ASPSCR1: variants seen among roughly 807,000 people sequenced by gnomAD.
ASPSCR1 encodes tether containing UBX domain for GLUT4.
In ASPSCR1, 55 loss-of-function variants were observed where a neutral mutation model predicts 68.9. That is an observed-to-expected ratio of 0.80 (90% CI 0.64 to 1.00). The LOEUF is 1.00. ASPSCR1 is among the 50% of genes least tolerant of loss of function. The pLI is 0.00. For synonymous variants in ASPSCR1, 352 were observed against 332.6 expected (o/e 1.06, Z -0.63); for missense variants, 765 against 762.2 (o/e 1.00, Z -0.04).
Position 81,995,659 on chromosome 17 carries a change from G to T in ASPSCR1, c.433-333G>T, listed in dbSNP as rs1389464546. On this transcript the variant is annotated intron_variant, in intron 5 of 15. Transcript: ENST00000306739. Reference sequence around the variant, plus strand: ...GTGACAGCACGTTCCTGCCTCTCTCGCTCCGGGCAGTGGGTCCTGGCACCA... The same window carrying T: ...GTGACAGCACGTTCCTGCCTCTCTCTCTCCGGGCAGTGGGTCCTGGCACCA... 4 of 505,030 alleles carry T rather than the reference G, an allele frequency of 7.9e-6. No homozygotes were observed. In the East Asian group the frequency reaches 1.5e-4, roughly 19 times the overall value. 31.3% of individuals were successfully genotyped at this position (505,030 alleles called of 1,614,324 possible). A position where few individuals can be genotyped will look rare whatever the true frequency, so the allele number is the denominator to read the frequency against.
chr17:81,984,193 G>T (rs538896678), intron 3 of ASPSCR1, among the ~76,000 whole-genome samples: 1 of 152,012 alleles, frequency 6.6e-6, no homozygotes, highest in African/African-American at 2.4e-5. Context: ...CTTTCTTTCT[G>T]GGGTCAGTTG....
chr17:81,993,360 C>T (rs1278660363), intron 4 of ASPSCR1, among the ~76,000 whole-genome samples: 1 of 152,120 alleles, frequency 6.6e-6, no homozygotes, highest in African/African-American at 2.4e-5. Context: ...ACCACAGGCG[C>T]CCGCCACCAC....
chr17:82,017,013 T>G lies in ASPSCR1; in HGVS notation c.1548T>G (p.Ala516=), dbSNP rs1195070355. ...ACCCTGCACCTAAGTCTGAGCCAGC[T>G]GCTGAGGAGGGGGCGCTGGTCCCCC... ...APDPAPKSEP[A]AEEGALVPPE... The change falls in exon 15 of 16, where the codon GCT becomes GCG. Residue 516 remains alanine (A), a synonymous_variant. Coordinates refer to ENST00000306739, the MANE Select transcript of ASPSCR1 (RefSeq NM_024083.4). 1.9e-6 allele frequency: 3 copies of G among 1,612,456 alleles called. No homozygotes were observed. In the African/African-American group the frequency reaches 4.0e-5, roughly 22 times the overall value.
In ASPSCR1 at chr17:81,977,957, G is replaced by A; in HGVS notation, c.102+209G>A. 1 of 313,338 alleles carries A rather than the reference G, an allele frequency of 3.2e-6. No individual in the cohort carries two copies. Among genetic ancestry groups the A allele is most frequent in the Non-Finnish European group, 5.7e-6 (1 of 174,264 alleles). The allele number at this position is 313,338 out of a possible 1,614,324, so 19.4% of individuals were successfully genotyped here. ...CCCGGGGGTCCCGAGTGGGGGCGGG[G>A]CGGTGGCGAGCCTTCCCAGGGGTGA... is the stretch of plus-strand genomic sequence containing the variant. On this transcript the variant is annotated intron_variant, in intron 1 of 15. Transcript: ENST00000306739. This position sits in a 1 kb window ranked among gnomAD's most constrained non-coding sequence, Gnocchi z 5.0.
Position 81,987,293 on chromosome 17 carries a change from G to T in ASPSCR1, c.374+1686G>T, listed in dbSNP as rs902237638. 6.6e-6 allele frequency among the ~76,000 whole-genome samples: 1 copy of T among 152,238 alleles called. No individual in the cohort carries two copies. ...AGGGAGGCAGGCAGCCCCAGGCGCT[G>T]TGTGGGCACTGGGTGAGAAGCAGGG... On this transcript the variant is annotated intron_variant, in intron 4 of 15. Transcript: ENST00000306739. This position sits in a 1 kb window ranked among gnomAD's most constrained non-coding sequence, Gnocchi z 5.6.
chr17:82,003,864 G>GTAACTCGGGAGGT (rs2042618141), intron 7 of ASPSCR1, among the ~76,000 whole-genome samples: 1 of 152,252 alleles, frequency 6.6e-6, no homozygotes, highest in Non-Finnish European at 1.5e-5. Context: ...GGGGCGCTGA[G>GTAACTCGGGAGGT]TAACTCGGGA....
chr17:82,009,061 CGGGAGCCGGTGGTGT>C lies in ASPSCR1; in HGVS notation c.960_974del (p.Glu321_Cys325del). ...GCCCGTGGACCGGGAGCCCGTGGAC[CGGGAGCCGGTGGTGT>C]GCCACCCCGACCTGGAGGAGCGGCT... is the stretch of plus-strand genomic sequence containing the variant. On this transcript the variant is annotated inframe_deletion, in exon 8 of 16. Transcript: ENST00000306739. 1.3e-6 allele frequency: 2 copies of C among 1,561,060 alleles called. No homozygotes were observed. Among genetic ancestry groups the C allele is most frequent in the Non-Finnish European group, 1.7e-6 (2 of 1,153,386 alleles).
intron 4 of ASPSCR1, among the ~76,000 whole-genome samples, chr17:81,985,835 C>A (rs757913390): frequency 1.3e-5 from 2 of 152,252 alleles, no homozygotes; most frequent in Admixed American, 1.3e-4. Flanking sequence ...CTGGGCCCAG[C>A]GGCCCAGCCT....
At chr17:82,012,519 G>A (rs542187501) in intron 12 of ASPSCR1, among the ~76,000 whole-genome samples, 3 of 152,164 alleles carry the variant, frequency 2.0e-5, no homozygotes, top group African/African-American at 4.8e-5. Flanking sequence ...CCTGCTAGGC[G>A]GCCTGCCTGA....
intron 7 of ASPSCR1, chr17:82,005,793 CCT>C (rs1185547559): frequency 2.0e-5 from 3 of 152,374 alleles, no homozygotes; most frequent in South Asian, 2.1e-4. Flanking sequence ...TGACACAGCC[CCT>C]GTCGGGATGT....
At chr17:82,014,663 C>T (rs982818826) in intron 12 of ASPSCR1, 5 of 202,980 alleles carry the variant, frequency 2.5e-5, no homozygotes, top group Admixed American at 5.2e-5. Context: ...CTTCGTTCCC[C>T]GGAGGGTGGT....
intron 12 of ASPSCR1, 120 bp downstream of exon 12, chr17:82,012,403 C>G: frequency 8.3e-7 from 1 of 1,211,274 alleles, no homozygotes; most frequent in East Asian, 2.4e-5. Flanking sequence ...GATAATAAAG[C>G]CTTTGAGAGC....
At chr17:81,989,331 C>T (rs2042089823) in intron 4 of ASPSCR1, among the ~76,000 whole-genome samples, 1 of 152,160 alleles carries the variant, frequency 6.6e-6, no homozygotes, top group Admixed American at 6.5e-5. Flanking sequence ...GCCAGCCCCA[C>T]GGTGAGGGTG....
intron 4 of ASPSCR1, among the ~76,000 whole-genome samples, chr17:81,989,065 G>A (rs534251843): frequency 3.9e-5 from 6 of 152,210 alleles, no homozygotes; most frequent in Admixed American, 2.0e-4. Flanking sequence ...AAAAGCAGCT[G>A]GGTGTGGTGG....
Position 82,015,191 on chromosome 17 carries a change from T to C in ASPSCR1, c.1354-1285T>C, listed in dbSNP as rs766491810. On this transcript the variant is annotated intron_variant, in intron 12 of 15. Transcript: ENST00000306739. ...TAGGAGATGGAGGCGACGTGGACTC[T>C]GGGAGGCTTCTTTTTTGGGGTCCAT... 13 of 1,598,152 alleles carry C rather than the reference T, an allele frequency of 8.1e-6. No homozygotes were observed. In the Admixed American group the frequency reaches 1.5e-4, roughly 18 times the overall value.
Position 81,994,736 on chromosome 17 carries a change from C to T in ASPSCR1, c.375-85C>T, listed in dbSNP as rs1033955650. On this transcript the variant is annotated intron_variant, in intron 4 of 15. Coordinates refer to ENST00000306739, the MANE Select transcript of ASPSCR1 (RefSeq NM_024083.4). ...GCTGGGTGAGGGCCCCACACCTTTG[C>T]TTTCCGAGTCTCCTGCCCCAGGGCC... 8 of 1,433,416 alleles carry T rather than the reference C, an allele frequency of 5.6e-6. No homozygotes were observed. In the Admixed American group the frequency reaches 1.4e-4, roughly 24 times the overall value. The allele number at this position is 1,433,416 out of a possible 1,614,324, so 88.8% of individuals were successfully genotyped here.
chr17:81,979,386 G>T, intron 2 of ASPSCR1, 147 bp downstream of exon 2: 2 of 835,920 alleles, frequency 2.4e-6, no homozygotes, highest in Non-Finnish European at 3.9e-6. Context: ...GGCCTTGGCA[G>T]GGCCACACTC....
rs2042033241 is a variant in ASPSCR1, at chr17:81,987,466, C to A, written c.374+1859C>A. Reference sequence around the variant, plus strand: ...GCCGGGCGGTGCCCCCGGGCGTGAACAGAATCCAGTGCTCCCACAGGCACA... The same window carrying A: ...GCCGGGCGGTGCCCCCGGGCGTGAAAAGAATCCAGTGCTCCCACAGGCACA... On this transcript the variant is annotated intron_variant, in intron 4 of 15. Transcript: ENST00000306739. The surrounding 1 kb of genome is among the most constrained non-coding windows in gnomAD (Gnocchi z 5.6). Among the ~76,000 whole-genome samples the A allele has an allele frequency of 6.6e-6, 1 of 152,196 alleles. No individual in the cohort carries two copies. Among genetic ancestry groups the A allele is most frequent in the Non-Finnish European group, 1.5e-5 (1 of 68,028 alleles).
At chr17:82,006,076 TGCGTGTGC>T (rs2042705391) in intron 7 of ASPSCR1, 1 of 146,170 alleles carries the variant, frequency 6.8e-6, no homozygotes, top group African/African-American at 2.8e-5. Flanking sequence ...TGCGTGTCCT[TGCGTGTGC>T]ACGTGTGTGC....
Sources: allele counts gnomAD v4.1 joint callset (sites outside exome capture counted in the v4.1 genomes callset), GRCh38; gene constraint gnomAD v4.1.1; non-coding constraint Gnocchi (gnomAD v3.1); transcripts MANE v1.5; gene names NCBI Gene and HGNC (gene_info 2026-07-23, HGNC 2026-07-21).